The following NT5C2 variants were observed in gnomAD, a reference collection of about 807,000 sequenced individuals.
NT5C2 encodes 5'-nucleotidase, cytosolic II.
Under a neutral mutation model 76.1 loss-of-function variants are expected in NT5C2, and 58 were observed. The ratio of observed to expected loss-of-function variants is 0.76; its 90% CI spans 0.62 to 0.95. The LOEUF (loss-of-function observed/expected upper bound fraction) is 0.95. NT5C2 is among the 40% of genes least tolerant of loss of function. NT5C2 has a pLI of 0.00. For missense variants in NT5C2, 478 were observed against 690.3 expected, an observed-to-expected ratio of 0.69 and a Z score of 3.45; for synonymous variants, 229 against 237.4, an observed-to-expected ratio of 0.96 and a Z score of 0.32.
At chr10:103,169,985 G>A (rs979445257) in intron 3 of NT5C2, among the ~76,000 whole-genome samples, 2 of 152,108 alleles carry the variant, frequency 1.3e-5, no homozygotes, top group African/African-American at 4.8e-5. Flanking sequence ...ACTTGGGCAT[G>A]GTGGCGCATG....
intron 3 of NT5C2, among the ~76,000 whole-genome samples, chr10:103,173,485 CG>C (rs1171423603): frequency 1.3e-5 from 2 of 151,262 alleles, no homozygotes; most frequent in Non-Finnish European, 2.9e-5. Context: ...GGCATGGTGG[CG>C]GGCACCTGTA....
At chr10:103,151,464 T>TAAAA (rs371652593) in intron 3 of NT5C2, among the ~76,000 whole-genome samples, 1 of 139,120 alleles carries the variant, frequency 7.2e-6, no homozygotes, top group Non-Finnish European at 1.6e-5. Flanking sequence ...AACCTGTTCT[T>TAAAA]AAAAAAAAAA....
intron 1 of NT5C2, among the ~76,000 whole-genome samples, chr10:103,191,318 G>A (rs923526575): frequency 2.7e-5 from 4 of 150,702 alleles, no homozygotes; most frequent in African/African-American, 9.8e-5. Context: ...GGAGGTGGAG[G>A]TTGCAATGAG....
chr10:103,106,628 T>G lies in NT5C2; in HGVS notation c.254A>C (p.Glu85Ala). Reference sequence around the variant, plus strand: ...AGAATCATAAGCAAAGCTGAGCAACTCCTGGGGATAGCCAATAGAAACTAA... The same window carrying G: ...AGAATCATAAGCAAAGCTGAGCAACGCCTGGGGATAGCCAATAGAAACTAA... ...ERLVSIGYPQ[E>A]LLSFAYDSTF... is the part of the protein sequence containing the mutation. Residue 85 changes from glutamate to alanine, a missense_variant, in exon 5 of 19, where the codon GAG (glutamate) becomes GCG (alanine). Physicochemically the swap from Glu to Ala is moderately radical, Grantham distance 107 (BLOSUM62 -1). Coordinates refer to ENST00000404739, the MANE Select transcript of NT5C2 (RefSeq NM_001351169.2). The G allele has an allele frequency of 1.2e-6, 2 of 1,613,676 alleles. No homozygotes were observed. The highest frequency in any genetic ancestry group is 1.7e-6 in the Non-Finnish European group (2 of 1,179,628).
chr10:103,111,824 C>CAACAA, intron 4 of NT5C2: 2 of 1,229,166 alleles, frequency 1.6e-6, no homozygotes. Context: ...AAACAAAAAG[C>CAACAA]AACAAAACAA....
chr10:103,157,742 C>T (rs200539469), intron 3 of NT5C2, among the ~76,000 whole-genome samples: 1 of 152,112 alleles, frequency 6.6e-6, no homozygotes, highest in East Asian at 1.9e-4. Flanking sequence ...AAAATATGTT[C>T]TACAACCACA....
intron 6 of NT5C2, among the ~76,000 whole-genome samples, chr10:103,101,622 A>AT (rs1360415814): frequency 6.6e-6 from 1 of 151,448 alleles, no homozygotes; most frequent in Non-Finnish European, 1.5e-5. Context: ...AGTAGCTGGG[A>AT]TTACAGGTGT....
chr10:103,189,161 T>C (rs1348623526), intron 1 of NT5C2, among the ~76,000 whole-genome samples: 1 of 152,172 alleles, frequency 6.6e-6, no homozygotes, highest in Admixed American at 6.6e-5. Context: ...CAGTGGGATA[T>C]ATATTTTTAT....
chr10:103,110,185 A>G (rs1456630221), intron 4 of NT5C2, among the ~76,000 whole-genome samples: 1 of 152,148 alleles, frequency 6.6e-6, no homozygotes, highest in Non-Finnish European at 1.5e-5. Flanking sequence ...CTGTAATCCC[A>G]GCACTTACAC....
intron 3 of NT5C2, among the ~76,000 whole-genome samples, chr10:103,173,282 T>C (rs1451658518): frequency 6.6e-6 from 1 of 152,192 alleles, no homozygotes; most frequent in Non-Finnish European, 1.5e-5. Context: ...TTTTAAATTC[T>C]GTTTAAAAAT....
chr10:103,090,711 A>G lies in NT5C2; in HGVS notation c.1349T>C (p.Phe450Ser). ...AGCATAACGCATCACTTGACTGGCA[A>G]AAAGGGTCTGCCGGGAGCCACTGCG... Reference protein sequence around the residue: ...LFRSGSRQTLFASQVMRYADL... With the variant: ...LFRSGSRQTLSASQVMRYADL... The change falls in exon 18 of 19, where the codon TTT becomes TCT. Residue 450 changes from phenylalanine to serine, a missense_variant. Physicochemically the swap from Phe to Ser is radical, Grantham distance 155. Transcript: ENST00000404739. 1 of 1,614,206 alleles carries G rather than the reference A, an allele frequency of 6.2e-7. No individual in the cohort carries two copies. Among genetic ancestry groups the G allele is most frequent in the Non-Finnish European group, 8.5e-7 (1 of 1,180,028 alleles).
intron 3 of NT5C2, among the ~76,000 whole-genome samples, chr10:103,142,914 G>A (rs1048658156): frequency 1.3e-4 from 20 of 151,038 alleles, no homozygotes; most frequent in African/African-American, 3.4e-4. Context: ...GCCTAGACCC[G>A]GGAGGCAGAG....
intron 4 of NT5C2, among the ~76,000 whole-genome samples, chr10:103,116,914 C>A (rs2074494427): frequency 6.6e-6 from 1 of 151,932 alleles, no homozygotes; most frequent in African/African-American, 2.4e-5. Context: ...AATATTATAG[C>A]CTTAATGAGA....
chr10:103,103,404 G>A lies in NT5C2; in HGVS notation c.390-2078C>T, dbSNP rs149616335. On this transcript the variant is annotated intron_variant, in intron 6 of 18. Transcript: ENST00000404739. ...AGTAAAAATATACTTTCTTCAGTTAGATTTAATAAGCTGACACTGTCTCCT... is the reference window on the plus strand; with the variant it reads ...AGTAAAAATATACTTTCTTCAGTTAAATTTAATAAGCTGACACTGTCTCCT... Among the ~76,000 whole-genome samples the A allele has an allele frequency of 9.2e-5, 14 of 152,250 alleles. No individual in the cohort carries two copies. The East Asian group carries it at 2.7e-3, about 29-fold the overall frequency.
intron 3 of NT5C2, among the ~76,000 whole-genome samples, chr10:103,140,794 C>G (rs192352493): frequency 3.3e-4 from 51 of 152,288 alleles, no homozygotes; most frequent in Non-Finnish European, 6.5e-4. Flanking sequence ...TGATGTTAAG[C>G]TCCTTTTCAA....
chr10:103,111,091 G>A (rs1325118346), intron 4 of NT5C2, among the ~76,000 whole-genome samples: 13 of 152,130 alleles, frequency 8.5e-5, no homozygotes, highest in Admixed American at 7.2e-4. Flanking sequence ...AGCTGCAAAG[G>A]CTCTAATTTC....
chr10:103,139,500 T>C (rs747026984), intron 3 of NT5C2, 21 bp from the exon 4 acceptor site: 181 of 1,444,080 alleles, frequency 1.3e-4, no homozygotes, highest in Non-Finnish European at 1.7e-4. Flanking sequence ...TAATAAAAAA[T>C]AATATCTCAA....
chr10:103,189,104 A>G (rs1412002275), intron 1 of NT5C2, among the ~76,000 whole-genome samples: 1 of 152,148 alleles, frequency 6.6e-6, no homozygotes, highest in Non-Finnish European at 1.5e-5. Flanking sequence ...TTAAAAAAAA[A>G]AATCAGTAAG....
chr10:103,111,045 A>G lies in NT5C2; in HGVS notation c.176-4339T>C, dbSNP rs536790038. On this transcript the variant is annotated intron_variant, in intron 4 of 18. Transcript: ENST00000404739. Reference sequence around the variant, plus strand: ...CTCAGATATTTATAGGAAACCACATATATCTCCTCAGACTTAGAGCTTTAT... The same window carrying G: ...CTCAGATATTTATAGGAAACCACATGTATCTCCTCAGACTTAGAGCTTTAT... Among the ~76,000 whole-genome samples, 265 of 152,308 alleles carry G rather than the reference A, an allele frequency of 1.7e-3. 1 individual carries two copies. Among genetic ancestry groups the G allele is most frequent in the African/African-American group, 5.9e-3 (247 of 41,562 alleles).
Sources: gnomAD v4.1 joint callset for allele counts (sites outside exome capture counted in the v4.1 genomes callset) on GRCh38, gnomAD v4.1.1 for gene constraint, MANE v1.5 for transcripts, NCBI Gene and HGNC (gene_info 2026-07-23, HGNC 2026-07-21) for gene names.